Variants in SOX5 observed in about 807,000 individuals in gnomAD.
SOX5 encodes the protein transcription factor SOX-5.
A neutral mutation model predicts 92.0 loss-of-function variants in SOX5; 9 were observed. The observed-to-expected ratio is 0.10, with a 90% CI of 0.06 to 0.17. The LOEUF is 0.17. SOX5 is among the 10% of genes least tolerant of loss of function. The pLI is 1.00. For missense variants in SOX5, 642 were observed against 944.5 expected, an observed-to-expected ratio of 0.68 and a Z score of 4.20; for synonymous variants, 344 against 336.3, an observed-to-expected ratio of 1.02 and a Z score of -0.25.
chr12:23,954,231 T>G (rs1175987675), upstream of SOX5, among the ~76,000 whole-genome samples: 1 of 151,980 alleles, frequency 6.6e-6, no homozygotes, highest in Non-Finnish European at 1.5e-5. Context: ...ATTCCTACCA[T>G]CACCCTAGTT....
intron 5 of SOX5, among the ~76,000 whole-genome samples, chr12:23,736,220 G>C (rs11047071): frequency 6.6e-6 from 1 of 151,906 alleles, no homozygotes; most frequent in Admixed American, 6.6e-5. Flanking sequence ...TCAGCATTTC[G>C]GGAGGCTGAG....
At chr12:23,962,023 TAA>T (rs1471297022) in intron 4 of SOX5, among the ~76,000 whole-genome samples, 6 of 152,220 alleles carry the variant, frequency 3.9e-5, no homozygotes, top group South Asian at 2.1e-4. Context: ...GAAAAAGTGA[TAA>T]GTTACATTGA....
At chr12:23,558,436 TCTGC>T (rs1945613280) in intron 11 of SOX5, among the ~76,000 whole-genome samples, 1 of 152,110 alleles carries the variant, frequency 6.6e-6, no homozygotes, top group Non-Finnish European at 1.5e-5. Context: ...CCTTCCTGAA[TCTGC>T]CTGCCTTCGT....
chr12:23,719,807 A>AAAAAAAAAC (rs1567209060), intron 6 of SOX5, among the ~76,000 whole-genome samples: 35 of 140,716 alleles, frequency 2.5e-4, no homozygotes, highest in East Asian at 1.3e-3. Flanking sequence ...AAAAAAAAAA[A>AAAAAAAAAC]AAAACTGATG....
At chr12:23,592,680 C>A (rs1014144230) in intron 9 of SOX5, among the ~76,000 whole-genome samples, 1 of 152,082 alleles carries the variant, frequency 6.6e-6, no homozygotes, top group African/African-American at 2.4e-5. Flanking sequence ...ATTGAGAGTG[C>A]ATGTTTCAAA....
At chr12:23,753,577 A>C (rs1269740191) in intron 4 of SOX5, among the ~76,000 whole-genome samples, 1 of 151,826 alleles carries the variant, frequency 6.6e-6, no homozygotes, top group Non-Finnish European at 1.5e-5. Flanking sequence ...AGATTTTAAA[A>C]AAAAGATTAC....
intron 3 of SOX5, among the ~76,000 whole-genome samples, chr12:23,762,765 C>A (rs2094598522): frequency 1.3e-5 from 2 of 151,994 alleles, no homozygotes; most frequent in South Asian, 4.2e-4. Context: ...GGTTTTATAT[C>A]ACATTTTAGA....
chr12:23,863,915 G>T (rs994062689), intron 2 of SOX5, among the ~76,000 whole-genome samples: 2 of 150,602 alleles, frequency 1.3e-5, no homozygotes, highest in Non-Finnish European at 2.9e-5. Context: ...CTGAGTCCTA[G>T]AAGGAATAAA....
chr12:23,606,588 T>G (rs2075287738), intron 8 of SOX5, among the ~76,000 whole-genome samples: 1 of 151,970 alleles, frequency 6.6e-6, no homozygotes, highest in African/African-American at 2.4e-5. Context: ...CTTAACCAAG[T>G]AGCCATTAAA....
At chr12:24,381,301 A>G (rs1177159817) in intron 1 of SOX5, among the ~76,000 whole-genome samples, 6 of 152,380 alleles carry the variant, frequency 3.9e-5, no homozygotes, top group African/African-American at 1.2e-4. Flanking sequence ...TAGACTGTTA[A>G]CCTAAAGTTG....
At chr12:23,942,391 A>G (rs1186951537) in intron 1 of SOX5, among the ~76,000 whole-genome samples, 3 of 151,948 alleles carry the variant, frequency 2.0e-5, no homozygotes, top group African/African-American at 7.2e-5. Flanking sequence ...AGGCAAACTC[A>G]GTACTAATGT....
At chr12:24,006,561 G>A (rs940101116) in intron 4 of SOX5, among the ~76,000 whole-genome samples, 4 of 151,986 alleles carry the variant, frequency 2.6e-5, no homozygotes, top group Non-Finnish European at 4.4e-5. Context: ...TTGTCCCTGT[G>A]TTCTGTGCCT....
At chr12:23,749,413 GT>G (rs764691232) in intron 4 of SOX5, among the ~76,000 whole-genome samples, 14 of 151,858 alleles carry the variant, frequency 9.2e-5, no homozygotes, top group Middle Eastern at 3.4e-3. Context: ...TAATGTTGTT[GT>G]TTTTGCTTCA....
intron 2 of SOX5, among the ~76,000 whole-genome samples, chr12:24,365,018 A>G (rs1294628719): frequency 6.6e-6 from 1 of 152,064 alleles, no homozygotes; most frequent in Admixed American, 6.6e-5. Flanking sequence ...TTGGTAGGGG[A>G]AAAATGATAT....
intron 13 of SOX5, among the ~76,000 whole-genome samples, chr12:23,539,285 T>G (rs900608858): frequency 3.3e-5 from 5 of 152,216 alleles, no homozygotes; most frequent in Non-Finnish European, 2.9e-5. Flanking sequence ...GTTGCATTCA[T>G]TCCTTAATAA....
At chr12:23,671,333 A>G (rs1241278322) in intron 6 of SOX5, among the ~76,000 whole-genome samples, 1 of 152,204 alleles carries the variant, frequency 6.6e-6, no homozygotes, top group African/African-American at 2.4e-5. Flanking sequence ...TGAGTGCTAC[A>G]GTGTTCAAAT....
chr12:23,734,596 T>C, intron 6 of SOX5, 88 bp downstream of exon 6: 1 of 947,864 alleles, frequency 1.1e-6, no homozygotes, highest in Non-Finnish European at 1.6e-6. Flanking sequence ...ATTTTTATTT[T>C]GGAGGTCATT....
chr12:24,218,124 G>T (rs1959476390), intron 3 of SOX5, among the ~76,000 whole-genome samples: 1 of 152,140 alleles, frequency 6.6e-6, no homozygotes, highest in African/African-American at 2.4e-5. Context: ...CTACTCCTAA[G>T]TGTATACCCA....
chr12:24,371,691 TAA>T (rs1956756291), intron 1 of SOX5, among the ~76,000 whole-genome samples: 2 of 152,192 alleles, frequency 1.3e-5, no homozygotes, highest in Admixed American at 1.3e-4. Context: ...AAGTTGTATG[TAA>T]AGAGATCATT....
Sources: gnomAD v4.1 joint callset for allele counts (sites outside exome capture counted in the v4.1 genomes callset) on GRCh38, gnomAD v4.1.1 for gene constraint, MANE v1.5 for transcripts, NCBI Gene and HGNC (gene_info 2026-07-23, HGNC 2026-07-21) for gene names.